Variants in FER observed in about 807,000 individuals in gnomAD.
FER encodes FER tyrosine kinase, also known as tyrosine-protein kinase Fer.
A neutral mutation model predicts 111.0 loss-of-function variants in FER; 63 were observed. The ratio of observed to expected loss-of-function variants is 0.57; its 90% confidence interval spans 0.46 to 0.70. The LOEUF is 0.70. Among genes scored for constraint, FER ranks in the 30% least tolerant of loss-of-function variants. The pLI, the probability that FER is intolerant of heterozygous loss-of-function variation, is 0.00. For synonymous variants in FER, 327 were observed against 313.9 expected (o/e 1.04, Z -0.44); for missense variants, 914 against 954.0 (o/e 0.96, Z 0.55).
intron 10 of FER, among the ~76,000 whole-genome samples, chr5:108,920,471 T>A (rs939952676): frequency 2.6e-5 from 4 of 150,978 alleles, no homozygotes; most frequent in Non-Finnish European, 6.0e-5. Flanking sequence ...CTGATAATCT[T>A]AAATTTAACT....
chr5:109,083,951 A>T (rs1777277383), intron 16 of FER, among the ~76,000 whole-genome samples: 1 of 152,058 alleles, frequency 6.6e-6, no homozygotes. Flanking sequence ...ATCCATGAAA[A>T]AATAATAGGC....
At chr5:108,904,244 A>G (rs1034481901) in intron 10 of FER, among the ~76,000 whole-genome samples, 2 of 152,214 alleles carry the variant, frequency 1.3e-5, no homozygotes, top group Admixed American at 6.5e-5. Flanking sequence ...AATACATAGT[A>G]TGTCACATGG....
In FER at chr5:109,059,267, G is replaced by A. The variant is rs117907878; in HGVS notation, c.1924+12069G>A. 1.2e-3 allele frequency among the ~76,000 whole-genome samples: 176 copies of A among 151,714 alleles called. 2 individuals are homozygous for A. The East Asian group carries it at 0.027, about 24-fold the overall frequency. Reference sequence around the variant, plus strand: ...CCTTATAAATACATGGTTATGAAAAGCACTGGAGAAACTAAATAGACTTGG... The same window carrying A: ...CCTTATAAATACATGGTTATGAAAAACACTGGAGAAACTAAATAGACTTGG... On this transcript the variant is annotated intron_variant, in intron 16 of 19. Coordinates refer to ENST00000281092, the MANE Select transcript of FER (RefSeq NM_005246.4).
At chr5:109,131,197 T>A (rs1420960849) in intron 17 of FER, among the ~76,000 whole-genome samples, 2 of 152,170 alleles carry the variant, frequency 1.3e-5, no homozygotes, top group Non-Finnish European at 2.9e-5. Flanking sequence ...TTATTTAGCA[T>A]TTAGCAGTAG....
intron 1 of FER, among the ~76,000 whole-genome samples, chr5:108,762,013 C>T (rs1272936897): frequency 2.0e-5 from 3 of 152,032 alleles, no homozygotes; most frequent in African/African-American, 4.8e-5. Flanking sequence ...TGGGTTCAAG[C>T]GATTCTCCTG....
intron 5 of FER, among the ~76,000 whole-genome samples, chr5:108,854,572 A>G (rs2150195946): frequency 6.6e-6 from 1 of 152,350 alleles, no homozygotes; most frequent in Non-Finnish European, 1.5e-5. Flanking sequence ...TGGGGGTTTT[A>G]AAGAAATTTT....
At chr5:108,805,362 C>T (rs1480224373) in intron 3 of FER, among the ~76,000 whole-genome samples, 1 of 152,114 alleles carries the variant, frequency 6.6e-6, no homozygotes, top group Non-Finnish European at 1.5e-5. Context: ...GTAAATTGGC[C>T]AGTCTCAGGT....
chr5:109,047,201 A>G lies in FER; in HGVS notation c.1924+3A>G, dbSNP rs763452758. The G allele has an allele frequency of 1.3e-6, 2 of 1,561,826 alleles. No homozygotes were observed. The highest frequency in any genetic ancestry group is 2.3e-5 in the East Asian group (1 of 43,876). On this transcript the variant is annotated splice_donor_region_variant and intron_variant, in intron 16 of 19. Coordinates refer to ENST00000281092, the MANE Select transcript of FER (RefSeq NM_005246.4). ...CATCATTATGGAACTGGTTTCAGGTAATGTGATCTGAGAATTTTTGCATGA... is the reference window on the plus strand; with the variant it reads ...CATCATTATGGAACTGGTTTCAGGTGATGTGATCTGAGAATTTTTGCATGA...
chr5:109,141,397 G>T (rs1753508856), intron 17 of FER, among the ~76,000 whole-genome samples: 1 of 152,164 alleles, frequency 6.6e-6, no homozygotes, highest in Non-Finnish European at 1.5e-5. Context: ...TCACTAAACT[G>T]AAAAGCCACA....
chr5:108,986,926 G>A (rs963578898), intron 13 of FER, among the ~76,000 whole-genome samples: 3 of 151,708 alleles, frequency 2.0e-5, no homozygotes, highest in Non-Finnish European at 4.4e-5. Context: ...TGTCAATGAC[G>A]GTTCTTTTTT....
At position 108,913,517 on chromosome 5, in the gene FER, G is replaced by A. The variant is rs571901269; in HGVS notation, c.1236+15669G>A. ...GCAAAGTAGAAATTTGGCATACTGTGTTATTTAAGCAGGGCCAGAATGAAC... is the reference window on the plus strand; with the variant it reads ...GCAAAGTAGAAATTTGGCATACTGTATTATTTAAGCAGGGCCAGAATGAAC... On this transcript the variant is annotated intron_variant, in intron 10 of 19. Transcript: ENST00000281092. Among the ~76,000 whole-genome samples, 26 of 152,320 alleles carry A rather than the reference G, an allele frequency of 1.7e-4. 1 individual carries two copies. The Middle Eastern group carries it at 0.017, about 100-fold the overall frequency.
At chr5:108,955,831 A>T (rs1411141067) in intron 12 of FER, among the ~76,000 whole-genome samples, 1 of 151,836 alleles carries the variant, frequency 6.6e-6, no homozygotes, top group African/African-American at 2.4e-5. Flanking sequence ...ATGTACACAG[A>T]CATGCACATG....
intron 14 of FER, among the ~76,000 whole-genome samples, chr5:109,041,068 A>G (rs1771110917): frequency 6.6e-6 from 1 of 152,172 alleles, no homozygotes; most frequent in Non-Finnish European, 1.5e-5. Flanking sequence ...AGTCATCCAG[A>G]AAACTGGGAG....
chr5:109,180,653 G>T, intron 17 of FER, 94 bp from the exon 18 acceptor site: 1 of 1,342,436 alleles, frequency 7.4e-7, no homozygotes, highest in South Asian at 1.4e-5. Flanking sequence ...TAAATACATT[G>T]CAAATGTAAA....
At chr5:109,073,311 A>G (rs1016924517) in intron 16 of FER, among the ~76,000 whole-genome samples, 2 of 152,262 alleles carry the variant, frequency 1.3e-5, no homozygotes, top group Middle Eastern at 3.4e-3. Flanking sequence ...ACACTGTCCA[A>G]TCTCAGCTTT....
At chr5:109,113,146 G>A (rs1464396002) in intron 17 of FER, among the ~76,000 whole-genome samples, 1 of 152,132 alleles carries the variant, frequency 6.6e-6, no homozygotes, top group African/African-American at 2.4e-5. Flanking sequence ...ATAATACAGA[G>A]TTCATCTTCC....
rs560155837 is a variant in FER, at chr5:109,115,267, T to C, written c.2048+14748T>C. On this transcript the variant is annotated intron_variant, in intron 17 of 19. Transcript: ENST00000281092. ...AGAAAGGCCTAAACTATAGTAGTGA[T>C]AGGAAAAAGATATAAAATTAAAGAC... Among the ~76,000 whole-genome samples the C allele has an allele frequency of 5.3e-5, 8 of 152,176 alleles. No individual in the cohort carries two copies. In the South Asian group the frequency reaches 1.7e-3, roughly 32 times the overall value.
intron 1 of FER, among the ~76,000 whole-genome samples, chr5:108,751,082 C>T (rs1486031385): frequency 6.6e-6 from 1 of 152,070 alleles, no homozygotes; most frequent in Non-Finnish European, 1.5e-5. Flanking sequence ...ATCCCAGCTA[C>T]TCGGGAGGCT....
rs141959825 is a variant in FER, at chr5:108,838,541, C to CAGT, written c.481+2748_481+2750dup. Among the ~76,000 whole-genome samples, 930 of 152,094 alleles carry CAGT rather than the reference C, an allele frequency of 6.1e-3. 16 individuals carry two copies. The highest frequency in any genetic ancestry group is 0.022 in the African/African-American group (894 of 41,492). On this transcript the variant is annotated intron_variant, in intron 5 of 19. Coordinates refer to ENST00000281092, the MANE Select transcript of FER (RefSeq NM_005246.4). The stretch of plus-strand genomic sequence containing the variant: ...TCAGTTCCTATAACTGGGAGTTCAG[C>CAGT]AGTAGTAGTAGTAGTAAACCAGCAG...
Sources: allele counts gnomAD v4.1 joint callset (sites outside exome capture counted in the v4.1 genomes callset), GRCh38; gene constraint gnomAD v4.1.1; transcripts MANE v1.5; gene names NCBI Gene and HGNC (gene_info 2026-07-23, HGNC 2026-07-21).